BICD1: variants seen among roughly 807,000 people sequenced by gnomAD.
BICD1 encodes protein bicaudal D homolog 1.
A neutral mutation model predicts 92.5 loss-of-function variants in BICD1; 35 were observed. The observed-to-expected ratio is 0.38, with a 90% CI of 0.29 to 0.50. The LOEUF (loss-of-function observed/expected upper bound fraction) is 0.50. BICD1 is among the 20% of genes least tolerant of loss of function. The pLI is 0.93. For missense variants in BICD1, 950 were observed against 1,189.8 expected, an observed-to-expected ratio of 0.80 and a Z score of 2.97; for synonymous variants, 429 against 465.1, an observed-to-expected ratio of 0.92 and a Z score of 1.00.
intron 2 of BICD1, among the ~76,000 whole-genome samples, chr12:32,257,211 CAAAAA>C (rs35294412): frequency 7.7e-5 from 6 of 78,274 alleles, no homozygotes; most frequent in African/African-American, 2.1e-4. Flanking sequence ...GACTCTGTCT[CAAAAA>C]AAAAAAAAAA....
At chr12:32,308,106 A>G (rs1948277860) in intron 4 of BICD1, among the ~76,000 whole-genome samples, 1 of 152,216 alleles carries the variant, frequency 6.6e-6, no homozygotes, top group Non-Finnish European at 1.5e-5. Context: ...ACAAAAGTCT[A>G]AAAAAGATGA....
intron 1 of BICD1, among the ~76,000 whole-genome samples, chr12:32,154,953 C>T (rs1275345753): frequency 6.6e-6 from 1 of 152,092 alleles, no homozygotes; most frequent in African/African-American, 2.4e-5. Context: ...AAACATTTTA[C>T]CCCACATTGT....
At chr12:32,339,227 G>A (rs1938259518) in intron 8 of BICD1, 5 of 1,212,728 alleles carry the variant, frequency 4.1e-6, no homozygotes, top group Non-Finnish European at 5.1e-6. Flanking sequence ...AATGGGATAG[G>A]TAAAGGGAAA....
intron 1 of BICD1, among the ~76,000 whole-genome samples, chr12:32,130,797 T>G (rs971282782): frequency 5.9e-5 from 9 of 152,138 alleles, no homozygotes; most frequent in Non-Finnish European, 1.2e-4. Flanking sequence ...AACATATCTT[T>G]CCAGGCTTCT....
At chr12:32,365,974 A>C (rs1939512283) in intron 8 of BICD1, among the ~76,000 whole-genome samples, 1 of 152,230 alleles carries the variant, frequency 6.6e-6, no homozygotes, top group Admixed American at 6.5e-5. Flanking sequence ...CTACTAAACA[A>C]AAATCAGATC....
intron 2 of BICD1, among the ~76,000 whole-genome samples, chr12:32,261,453 G>A (rs1449176627): frequency 2.0e-5 from 3 of 152,122 alleles, no homozygotes; most frequent in Non-Finnish European, 2.9e-5. Flanking sequence ...ATGGATGTCT[G>A]CATCACATTG....
At chr12:32,307,439 C>A (rs1948258689) in intron 4 of BICD1, among the ~76,000 whole-genome samples, 1 of 152,164 alleles carries the variant, frequency 6.6e-6, no homozygotes, top group African/African-American at 2.4e-5. Context: ...GCAGCATTAC[C>A]ATCACCTGGG....
chr12:32,300,417 T>C (rs1312973332), intron 3 of BICD1, among the ~76,000 whole-genome samples: 1 of 151,814 alleles, frequency 6.6e-6, no homozygotes, highest in Non-Finnish European at 1.5e-5. Flanking sequence ...CATACTATTA[T>C]TGGACAACCT....
chr12:32,267,492 G>A (rs1947029408), intron 2 of BICD1, among the ~76,000 whole-genome samples: 1 of 152,112 alleles, frequency 6.6e-6, no homozygotes. Flanking sequence ...TTGTCAATTA[G>A]TATATGTGTG....
At chr12:32,181,066 T>G (rs1944259070) in intron 1 of BICD1, among the ~76,000 whole-genome samples, 1 of 151,806 alleles carries the variant, frequency 6.6e-6, no homozygotes, top group African/African-American at 2.4e-5. Flanking sequence ...GAAATTAACT[T>G]AAGAATGTTT....
chr12:32,163,305 T>C (rs756141486), intron 1 of BICD1, among the ~76,000 whole-genome samples: 143 of 152,288 alleles, frequency 9.4e-4, no homozygotes, highest in Non-Finnish European at 1.5e-3. Flanking sequence ...GGTACTGAGG[T>C]GGATAGGTAC....
intron 1 of BICD1, among the ~76,000 whole-genome samples, chr12:32,168,007 C>CGTGTGT (rs10568100): frequency 0.016 from 2,445 of 149,854 alleles, 37 homozygotes; most frequent in African/African-American, 0.033. Context: ...AAGGAGATGG[C>CGTGTGT]GTGTGTGTGT....
At chr12:32,238,253 T>G (rs1012468211) in intron 2 of BICD1, among the ~76,000 whole-genome samples, 1 of 152,020 alleles carries the variant, frequency 6.6e-6, no homozygotes, top group Non-Finnish European at 1.5e-5. Flanking sequence ...GATTTTTTTT[T>G]AAGACTTCAG....
intron 1 of BICD1, among the ~76,000 whole-genome samples, chr12:32,118,163 G>A (rs991782595): frequency 6.6e-6 from 1 of 151,776 alleles, no homozygotes; most frequent in Middle Eastern, 3.4e-3. Flanking sequence ...CTCACTGCAA[G>A]CTCCGCTTCC....
intron 1 of BICD1, among the ~76,000 whole-genome samples, chr12:32,161,088 T>C (rs1943586671): frequency 6.6e-6 from 1 of 152,194 alleles, no homozygotes; most frequent in African/African-American, 2.4e-5. Context: ...GAAAGAAAAG[T>C]GATATAAATG....
At chr12:32,187,533 G>A (rs1944450709) in intron 1 of BICD1, among the ~76,000 whole-genome samples, 2 of 152,086 alleles carry the variant, frequency 1.3e-5, no homozygotes, top group African/African-American at 4.8e-5. Flanking sequence ...TTATTCGGGC[G>A]TGGTGGCGCG....
At chr12:32,326,678 C>A (rs867785385) in intron 4 of BICD1, among the ~76,000 whole-genome samples, 1 of 152,284 alleles carries the variant, frequency 6.6e-6, no homozygotes, top group Middle Eastern at 3.4e-3. Flanking sequence ...TGCGCCTAGG[C>A]ATTCAACACC....
chr12:32,314,374 AT>A (rs58045508), intron 4 of BICD1, among the ~76,000 whole-genome samples: 150,877 of 152,248 alleles, frequency 0.99, 74,767 homozygotes, highest in Middle Eastern at 1. Context: ...CGAGTGTACC[AT>A]TTTTTTATCC....
intron 1 of BICD1, among the ~76,000 whole-genome samples, chr12:32,207,947 C>G (rs1036323005): frequency 2.0e-5 from 3 of 152,138 alleles, no homozygotes; most frequent in Non-Finnish European, 4.4e-5. Flanking sequence ...CCAAGGAAAA[C>G]CTTTACACCA....
Sources: gnomAD v4.1 joint callset for allele counts (sites outside exome capture counted in the v4.1 genomes callset) on GRCh38, gnomAD v4.1.1 for gene constraint, MANE v1.5 for transcripts, NCBI Gene and HGNC (gene_info 2026-07-23, HGNC 2026-07-21) for gene names.